The following SAR1B variants were observed in gnomAD, a reference collection of about 807,000 sequenced individuals.
SAR1B encodes small COPII coat GTPase SAR1B.
SAR1B carries 23 observed loss-of-function variants against 26.8 expected under a neutral mutation model. The observed-to-expected ratio is 0.86, with a 90% CI of 0.62 to 1.22. The LOEUF is 1.22. Among genes scored for constraint, SAR1B ranks in the 50% most tolerant of loss-of-function variants. SAR1B has a pLI of 0.00. For synonymous variants in SAR1B, 65 were observed against 80.8 expected, an observed-to-expected ratio of 0.80 and a Z score of 1.05; for missense variants, 196 against 232.8, an observed-to-expected ratio of 0.84 and a Z score of 1.03.
chr5:134,609,712 G>A, intron 4 of SAR1B, 38 bp from the exon 5 acceptor site: 2 of 1,528,674 alleles, frequency 1.3e-6, no homozygotes, highest in African/African-American at 2.7e-5. Flanking sequence ...TTACTTGTTG[G>A]TCAAACCCAG....
intron 1 of SAR1B, among the ~76,000 whole-genome samples, chr5:134,628,400 C>A (rs1453231865): frequency 4.7e-5 from 7 of 150,396 alleles, no homozygotes; most frequent in South Asian, 2.1e-4. Context: ...AAATAAGGGA[C>A]CTAATAGTCT....
intron 1 of SAR1B, among the ~76,000 whole-genome samples, chr5:134,626,904 CACTT>C (rs534279415): frequency 5.7e-4 from 87 of 152,242 alleles, no homozygotes; most frequent in African/African-American, 2.0e-3. Flanking sequence ...ATACTAAAAA[CACTT>C]AATGTACAAT....
At position 134,621,197 on chromosome 5, in the gene SAR1B, C is replaced by A. The variant is rs139196971; in HGVS notation, c.59-145G>T. 10 of 875,220 alleles carry A rather than the reference C, an allele frequency of 1.1e-5. No individual in the cohort carries two copies. The African/African-American group carries it at 1.7e-4, about 15-fold the overall frequency. The allele number at this position is 875,220 out of a possible 1,614,324, so 54.2% of individuals were successfully genotyped here. ...TTTTAAATCTATTCATGGCCGGGCA[C>A]GGTGGCTCACACCTGTAGTCCCAGC... is the stretch of plus-strand genomic sequence containing the variant. On this transcript the variant is annotated intron_variant, in intron 2 of 6. Transcript: ENST00000402673.
rs1765113608 is a variant in SAR1B, at chr5:134,605,654, CAG to C, written c.*1294_*1295del. 1 of 19,130 alleles carries C rather than the reference CAG, an allele frequency of 5.2e-5. No homozygotes were observed. Among genetic ancestry groups the C allele is most frequent in the Non-Finnish European group, 1.1e-4 (1 of 8,748 alleles). The allele number at this position is 19,130 out of a possible 1,614,324, so 1.2% of individuals were successfully genotyped here. A position where few individuals can be genotyped will look rare whatever the true frequency, so the allele number is the denominator to read the frequency against. ...ACCCCGTCTCTAAAACAAAATGAAACAGAGCAAAAAAAAAAAAAAAAAAAAAG... is the reference window on the plus strand; with the variant it reads ...ACCCCGTCTCTAAAACAAAATGAAACAGCAAAAAAAAAAAAAAAAAAAAAG... On this transcript the variant is annotated 3_prime_UTR_variant, in exon 7 of 7. Coordinates refer to ENST00000402673, the MANE Select transcript of SAR1B (RefSeq NM_016103.4).
chr5:134,630,193 C>T (rs975783942), intron 1 of SAR1B, among the ~76,000 whole-genome samples: 9 of 151,718 alleles, frequency 5.9e-5, no homozygotes, highest in African/African-American at 1.7e-4. Context: ...AGGTGGCTCA[C>T]GCCTGTAATC....
At chr5:134,617,328 C>T (rs901117695) in intron 3 of SAR1B, among the ~76,000 whole-genome samples, 3 of 152,130 alleles carry the variant, frequency 2.0e-5, no homozygotes, top group African/African-American at 7.2e-5. Context: ...TCATTTCTCT[C>T]GGGTAAGTAA....
chr5:134,607,953 G>A (rs1365095589), intron 6 of SAR1B, among the ~76,000 whole-genome samples: 7 of 151,974 alleles, frequency 4.6e-5, no homozygotes, highest in East Asian at 1.9e-4. Context: ...AAAACAATCC[G>A]TCTTAAAGCT....
chr5:134,625,019 G>T (rs575844427), intron 1 of SAR1B, among the ~76,000 whole-genome samples: 1 of 152,272 alleles, frequency 6.6e-6, no homozygotes, highest in African/African-American at 2.4e-5. Context: ...TAATAGGGAA[G>T]AAAGGAATTA....
At chr5:134,629,129 AAAG>A (rs1355268088) in intron 1 of SAR1B, among the ~76,000 whole-genome samples, 2 of 152,118 alleles carry the variant, frequency 1.3e-5, no homozygotes, top group South Asian at 2.1e-4. Context: ...AAAAAAAAAA[AAAG>A]AAGGATGAAC....
Position 134,616,450 on chromosome 5 carries a change from A to G in SAR1B, c.179-3694T>C, listed in dbSNP as rs547938083. 8.3e-3 allele frequency among the ~76,000 whole-genome samples: 1,267 copies of G among 152,016 alleles called. 21 individuals are homozygous for G. The highest frequency in any genetic ancestry group is 0.028 in the African/African-American group (1,153 of 41,466). ...GAGACTTTGTCTCAAAAAAAAAAAA[A>G]AAAGAAAGAAAGAAATTCTATGTGT... is the stretch of plus-strand genomic sequence containing the variant. On this transcript the variant is annotated intron_variant, in intron 3 of 6. Coordinates refer to ENST00000402673, the MANE Select transcript of SAR1B (RefSeq NM_016103.4).
At chr5:134,619,668 T>C (rs1765372097) in intron 3 of SAR1B, among the ~76,000 whole-genome samples, 1 of 152,206 alleles carries the variant, frequency 6.6e-6, no homozygotes, top group Non-Finnish European at 1.5e-5. Flanking sequence ...CCACCCTTGT[T>C]TTAAAACTTC....
Position 134,612,681 on chromosome 5 carries a change from A to AAAAAAAAAAAAAAAAAAAAAAT in SAR1B, c.244+9_244+10insATTTTTTTTTTTTTTTTTTTTT. The AAAAAAAAAAAAAAAAAAAAAAT allele has an allele frequency of 8.9e-7, 1 of 1,124,728 alleles. No homozygotes were observed. Among genetic ancestry groups the AAAAAAAAAAAAAAAAAAAAAAT allele is most frequent in the Non-Finnish European group, 1.2e-6 (1 of 836,276 alleles). 69.7% of individuals were successfully genotyped at this position (1,124,728 alleles called of 1,614,324 possible). A position where few individuals can be genotyped will look rare whatever the true frequency, so the allele number is the denominator to read the frequency against. The stretch of plus-strand genomic sequence containing the variant: ...AAAAAAAAAAAAAAAAAAAAAAAAA[A>AAAAAAAAAAAAAAAAAAAAAAT]GAATCTTACCTTGAACATGTCCACC... On this transcript the variant is annotated intron_variant, in intron 4 of 6. Coordinates refer to ENST00000402673, the MANE Select transcript of SAR1B (RefSeq NM_016103.4).
At chr5:134,632,129 G>A (rs1285349767) in intron 1 of SAR1B, 3 of 152,204 alleles carry the variant, frequency 2.0e-5, no homozygotes, top group Admixed American at 6.6e-5. Flanking sequence ...GTGAACCCGG[G>A]AGGCGGAGCT....
intron 1 of SAR1B, among the ~76,000 whole-genome samples, chr5:134,628,595 C>T (rs1765539655): frequency 6.6e-6 from 1 of 152,014 alleles, no homozygotes; most frequent in African/African-American, 2.4e-5. Context: ...GCAGGAGGAT[C>T]ACCTGAGACC....
intron 1 of SAR1B, chr5:134,631,869 G>A (rs1765610677): frequency 6.6e-6 from 1 of 152,022 alleles, no homozygotes. Flanking sequence ...TTGGAGACCA[G>A]ACTGGCCAAC....
rs1765182483 is a variant in SAR1B at position 134,609,681 on chromosome 5, A to G, written c.245-7T>C. 6.2e-7 allele frequency: 1 copy of G among 1,611,498 alleles called. No individual in the cohort carries two copies. The highest frequency in any genetic ancestry group is 8.5e-7 in the Non-Finnish European group (1 of 1,177,580). On this transcript the variant is annotated splice_region_variant and splice_polypyrimidine_tract_variant and intron_variant, in intron 4 of 6. Coordinates refer to ENST00000402673, the MANE Select transcript of SAR1B (RefSeq NM_016103.4). ...TTTTTCCACACTCTTCGAGCTAACAAAAACAATCAGGGGTTAGAGTTTACT... is the reference window on the plus strand; with the variant it reads ...TTTTTCCACACTCTTCGAGCTAACAGAAACAATCAGGGGTTAGAGTTTACT...
Position 134,612,717 on chromosome 5 carries a change from G to C in SAR1B, c.218C>G (p.Thr73Ser). The change falls in exon 4 of 7, where the codon ACT becomes AGT. Residue 73 changes from threonine to serine, a missense_variant. Physicochemically the swap from Thr to Ser is moderately conservative, Grantham distance 58 (BLOSUM62 1). Transcript: ENST00000402673. ...ELTIAGMTFT[T>S]FDLGGHVQAR... ...TTGAACATGTCCACCCAGATCAAAA[G>C]TTGTAAACGTCATGCCAGCAATGGT... The C allele has an allele frequency of 7.6e-7, 1 of 1,307,620 alleles. No homozygotes were observed. Among genetic ancestry groups the C allele is most frequent in the East Asian group, 4.5e-5 (1 of 22,168 alleles). 81.0% of individuals were successfully genotyped at this position (1,307,620 alleles called of 1,614,324 possible). A position where few individuals can be genotyped will look rare whatever the true frequency, so the allele number is the denominator to read the frequency against.
At position 134,620,975 on chromosome 5, in the gene SAR1B, T is replaced by C; in HGVS notation, c.136A>G (p.Lys46Glu). 1 of 1,613,668 alleles carries C rather than the reference T, an allele frequency of 6.2e-7. No individual in the cohort carries two copies. The highest frequency in any genetic ancestry group is 8.5e-7 in the Non-Finnish European group (1 of 1,179,558). ...AGKTTLLHML[K>E]DDRLGQHVPT... The stretch of plus-strand genomic sequence containing the variant: ...ACATGTTGTCCAAGTCTGTCATCTT[T>C]TAGCATGTGTAGCAATGTTGTTTTT... Residue 46 changes from lysine to glutamate, a missense_variant, in exon 3 of 7, where the codon AAA becomes GAA. Transcript: ENST00000402673.
At chr5:134,629,667 A>T (rs1765563842) in intron 1 of SAR1B, among the ~76,000 whole-genome samples, 1 of 152,152 alleles carries the variant, frequency 6.6e-6, no homozygotes. Flanking sequence ...ACTGCACTCC[A>T]GCCTGGGCGA....
Sources: allele counts gnomAD v4.1 joint callset (sites outside exome capture counted in the v4.1 genomes callset), GRCh38; gene constraint gnomAD v4.1.1; transcripts MANE v1.5; gene names NCBI Gene and HGNC (gene_info 2026-07-23, HGNC 2026-07-21).